Variants in AOAH observed in about 807,000 individuals in gnomAD.
AOAH encodes the protein acyloxyacyl hydrolase (neutrophil).
A neutral mutation model predicts 92.2 loss-of-function variants in AOAH; 64 were observed. That is an observed-to-expected ratio of 0.69 (90% CI 0.57 to 0.86). The LOEUF is 0.86. Ranked by LOEUF, AOAH falls within the 40% of genes least tolerant of loss-of-function variation. The pLI is 0.00. For synonymous variants in AOAH, 263 were observed against 254.5 expected (o/e 1.03, Z -0.32); for missense variants, 656 against 694.6 (o/e 0.94, Z 0.62).
At chr7:36,547,247 G>T (rs959344508) in intron 15 of AOAH, among the ~76,000 whole-genome samples, 2 of 152,166 alleles carry the variant, frequency 1.3e-5, no homozygotes, top group African/African-American at 2.4e-5. Flanking sequence ...TGTAGCCTTG[G>T]CCAACTTGGG....
Position 36,690,100 on chromosome 7 carries a change from T to A in AOAH, c.128-3306A>T, listed in dbSNP as rs543704016. 1.4e-5 allele frequency: 6 copies of A among 442,606 alleles called. No individual in the cohort carries two copies. The East Asian group carries it at 4.3e-4, about 32-fold the overall frequency. The allele number at this position is 442,606 out of a possible 1,614,324, so 27.4% of individuals were successfully genotyped here. On this transcript the variant is annotated intron_variant, in intron 1 of 20. Coordinates refer to ENST00000617537, the MANE Select transcript of AOAH (RefSeq NM_001637.4). ...CAGCCTGCTTCTTTGTACTTACACA[T>A]ATGGGCTTTTCTTCTGAATTTCACT...
At chr7:36,514,322 T>G in intron 20 of AOAH, 1 of 578,748 alleles carries the variant, frequency 1.7e-6, no homozygotes, top group East Asian at 3.0e-5. Context: ...TACAGGTGCC[T>G]GGGAGTGGAG....
chr7:36,718,647 C>T (rs1799414247), intron 1 of AOAH, among the ~76,000 whole-genome samples: 1 of 152,100 alleles, frequency 6.6e-6, no homozygotes, highest in Non-Finnish European at 1.5e-5. Flanking sequence ...TTGATACATG[C>T]CACAACATGA....
intron 2 of AOAH, among the ~76,000 whole-genome samples, chr7:36,678,611 G>GCA: frequency 1.4e-5 from 2 of 144,812 alleles, no homozygotes; most frequent in East Asian, 2.0e-4. Flanking sequence ...GCGCGCGCGC[G>GCA]CGCGTTAGAA....
chr7:36,683,593 A>T (rs756151643), intron 2 of AOAH, among the ~76,000 whole-genome samples: 12 of 152,198 alleles, frequency 7.9e-5, no homozygotes, highest in Non-Finnish European at 1.3e-4. Context: ...AAGGAAGGAT[A>T]GGTAAATGAG....
intron 2 of AOAH, among the ~76,000 whole-genome samples, chr7:36,682,885 A>G (rs917457664): frequency 3.9e-4 from 59 of 152,234 alleles, no homozygotes; most frequent in Middle Eastern, 3.4e-3. Context: ...AATGTGGATA[A>G]TAGAAATCCC....
intron 1 of AOAH, among the ~76,000 whole-genome samples, chr7:36,721,800 C>T (rs908707471): frequency 6.6e-6 from 1 of 152,220 alleles, no homozygotes; most frequent in African/African-American, 2.4e-5. Context: ...TCTCTGCCCC[C>T]TCCCTTTGAG....
intron 6 of AOAH, among the ~76,000 whole-genome samples, chr7:36,630,559 G>A (rs1199733665): frequency 2.0e-5 from 3 of 152,208 alleles, no homozygotes; most frequent in Admixed American, 2.0e-4. Context: ...GAGTCTAAGT[G>A]TGGGGTCTAA....
At chr7:36,720,724 C>T (rs1366436398) in intron 1 of AOAH, among the ~76,000 whole-genome samples, 1 of 152,254 alleles carries the variant, frequency 6.6e-6, no homozygotes, top group East Asian at 1.9e-4. Context: ...TTTCGTTTTC[C>T]TCTAAACTGG....
chr7:36,625,756 T>C (rs907931790), intron 6 of AOAH, among the ~76,000 whole-genome samples: 1 of 152,208 alleles, frequency 6.6e-6, no homozygotes, highest in African/African-American at 2.4e-5. Flanking sequence ...GATTTTCCCA[T>C]GGTGGGAGCG....
At chr7:36,595,846 C>T (rs554153940) in intron 11 of AOAH, among the ~76,000 whole-genome samples, 10 of 152,176 alleles carry the variant, frequency 6.6e-5, no homozygotes, top group African/African-American at 1.4e-4. Flanking sequence ...GTGCTCCCTT[C>T]GGGTAAATGT....
chr7:36,645,333 A>C (rs910397645), intron 4 of AOAH, among the ~76,000 whole-genome samples: 4 of 152,140 alleles, frequency 2.6e-5, no homozygotes, highest in Non-Finnish European at 5.9e-5. Context: ...CCTCGCCAGA[A>C]CCTGACCCTG....
At chr7:36,669,210 A>C (rs1026947209) in intron 3 of AOAH, among the ~76,000 whole-genome samples, 1 of 152,166 alleles carries the variant, frequency 6.6e-6, no homozygotes, top group African/African-American at 2.4e-5. Flanking sequence ...TTTTATATAC[A>C]AATTGTAGTC....
intron 12 of AOAH, among the ~76,000 whole-genome samples, chr7:36,580,736 C>T (rs568811724): frequency 6.6e-6 from 1 of 152,184 alleles, no homozygotes; most frequent in Admixed American, 6.5e-5. Flanking sequence ...CCTGGCTGTG[C>T]TTGTTGACTA....
At chr7:36,694,944 G>T (rs557062601) in intron 1 of AOAH, among the ~76,000 whole-genome samples, 1 of 98,334 alleles carries the variant, frequency 1.0e-5, no homozygotes, top group Admixed American at 1.1e-4. Context: ...GAGAGAGGGA[G>T]AGAAAGAGAG....
intron 12 of AOAH, among the ~76,000 whole-genome samples, chr7:36,587,814 A>T (rs932678634): frequency 6.6e-6 from 1 of 152,226 alleles, no homozygotes; most frequent in Non-Finnish European, 1.5e-5. Flanking sequence ...AAACATTGAA[A>T]ATATGATTTT....
chr7:36,652,090 A>T (rs1410453904), intron 4 of AOAH, among the ~76,000 whole-genome samples: 2 of 152,190 alleles, frequency 1.3e-5, no homozygotes, highest in Non-Finnish European at 2.9e-5. Context: ...AAAAGGAACC[A>T]GGTCTCCTTC....
chr7:36,605,632 A>G (rs1790943980), intron 11 of AOAH, among the ~76,000 whole-genome samples: 3 of 152,208 alleles, frequency 2.0e-5, no homozygotes, highest in Admixed American at 1.3e-4. Context: ...TGTAGTTTTC[A>G]TAACAACTGG....
chr7:36,637,777 G>A (rs948109532), intron 5 of AOAH, 74 bp downstream of exon 5: 60 of 1,379,942 alleles, frequency 4.3e-5, no homozygotes, highest in Non-Finnish European at 5.8e-5. Flanking sequence ...CTTGCCTTTG[G>A]GATGTGAAAG....
Sources: gnomAD v4.1 joint callset for allele counts (sites outside exome capture counted in the v4.1 genomes callset) on GRCh38, gnomAD v4.1.1 for gene constraint, MANE v1.5 for transcripts, NCBI Gene and HGNC (gene_info 2026-07-23, HGNC 2026-07-21) for gene names.